Variants in SLC38A1 observed in about 807,000 individuals in gnomAD.
The protein encoded by SLC38A1 is solute carrier family 38 member 1.
In SLC38A1, 18 loss-of-function variants were observed where a neutral mutation model predicts 60.3. The ratio of observed to expected loss-of-function variants is 0.30; its 90% confidence interval spans 0.21 to 0.44. The LOEUF (loss-of-function observed/expected upper bound fraction) is 0.44. Among genes scored for constraint, SLC38A1 ranks in the 20% least tolerant of loss-of-function variants. The probability of loss-of-function intolerance (pLI) is 1.00; values close to 1 mark genes in which losing one functional copy is unlikely to be tolerated. For synonymous variants in SLC38A1, 196 were observed against 212.1 expected, an observed-to-expected ratio of 0.92 and a Z score of 0.66; for missense variants, 448 against 587.2, an observed-to-expected ratio of 0.76 and a Z score of 2.45.
chr12:46,198,287 T>C (rs1939481392), intron 14 of SLC38A1, among the ~76,000 whole-genome samples: 1 of 152,234 alleles, frequency 6.6e-6, no homozygotes, highest in African/African-American at 2.4e-5. Flanking sequence ...GGGTGTAATT[T>C]CTGTCTTTGG....
chr12:46,223,317 G>A (rs543209383), intron 5 of SLC38A1, among the ~76,000 whole-genome samples: 6 of 152,130 alleles, frequency 3.9e-5, no homozygotes, highest in Admixed American at 3.3e-4. Context: ...AGCATATATA[G>A]ATACTGTTCA....
chr12:46,200,445 A>G (rs1939605430), intron 13 of SLC38A1, among the ~76,000 whole-genome samples: 1 of 151,938 alleles, frequency 6.6e-6, no homozygotes, highest in Non-Finnish European at 1.5e-5. Flanking sequence ...ATATATATTT[A>G]AATTAGGTCC....
At chr12:46,228,113 A>G (rs538234831) in intron 5 of SLC38A1, among the ~76,000 whole-genome samples, 4 of 152,310 alleles carry the variant, frequency 2.6e-5, no homozygotes, top group African/African-American at 9.6e-5. Flanking sequence ...TTAGGCTGAC[A>G]ATATGGAAGA....
chr12:46,265,625 CTGTATT>C, intron 1 of SLC38A1, among the ~76,000 whole-genome samples: 1 of 152,314 alleles, frequency 6.6e-6, no homozygotes, highest in Non-Finnish European at 1.5e-5. Flanking sequence ...GGAATTTAGA[CTGTATT>C]TGTGTGCAAT....
intron 1 of SLC38A1, among the ~76,000 whole-genome samples, chr12:46,246,790 C>T (rs1941635583): frequency 6.6e-6 from 1 of 152,152 alleles, no homozygotes; most frequent in African/African-American, 2.4e-5. Context: ...GCAGGAGCCC[C>T]TCTTGGACAA....
Position 46,232,108 on chromosome 12 carries a change from C to A in SLC38A1, c.123-2469G>T, listed in dbSNP as rs556034148. Among the ~76,000 whole-genome samples, 4 of 152,302 alleles carry A rather than the reference C, an allele frequency of 2.6e-5. No individual in the cohort carries two copies. The South Asian group carries it at 8.3e-4, about 32-fold the overall frequency. On this transcript the variant is annotated intron_variant, in intron 3 of 16. Coordinates refer to ENST00000398637, the MANE Select transcript of SLC38A1 (RefSeq NM_030674.4). ...CCAAAGTTAGGCAATACACTTACTA[C>A]AAACTTACTCTGGGATCATCAGTTG...
intron 3 of SLC38A1, among the ~76,000 whole-genome samples, chr12:46,234,864 C>A (rs1320917568): frequency 2.6e-5 from 4 of 152,126 alleles, no homozygotes; most frequent in African/African-American, 9.7e-5. Context: ...TTAAAAAACA[C>A]GACCTCTGGC....
intron 1 of SLC38A1, among the ~76,000 whole-genome samples, chr12:46,262,612 G>A (rs893951946): frequency 6.6e-6 from 1 of 152,150 alleles, no homozygotes; most frequent in African/African-American, 2.4e-5. Context: ...ATCAAGGATT[G>A]CTATTGTACT....
chr12:46,190,366 C>T (rs539360193), intron 16 of SLC38A1, among the ~76,000 whole-genome samples: 307 of 152,234 alleles, frequency 2.0e-3, no homozygotes, highest in Admixed American at 5.4e-3. Flanking sequence ...TCCAAGTCTT[C>T]ACTATTGTGA....
At chr12:46,189,204 C>T (rs1227877781) in intron 16 of SLC38A1, 133 bp from the exon 17 acceptor site, 1 of 614,340 alleles carries the variant, frequency 1.6e-6, no homozygotes, top group Admixed American at 2.9e-5. Context: ...ACAACCATGG[C>T]TGAACTGTGA....
chr12:46,255,098 C>G (rs1462270244), intron 1 of SLC38A1, among the ~76,000 whole-genome samples: 1 of 152,182 alleles, frequency 6.6e-6, no homozygotes, highest in Non-Finnish European at 1.5e-5. Flanking sequence ...ATTCTAATGT[C>G]ACAATTTCCA....
intron 5 of SLC38A1, among the ~76,000 whole-genome samples, chr12:46,220,452 C>T (rs979958935): frequency 2.0e-5 from 3 of 152,086 alleles, no homozygotes; most frequent in Admixed American, 6.5e-5. Flanking sequence ...GTGACTAGTC[C>T]GATGGACCTC....
intron 5 of SLC38A1, among the ~76,000 whole-genome samples, chr12:46,213,562 C>A (rs1940273336): frequency 6.6e-6 from 1 of 152,224 alleles, no homozygotes; most frequent in African/African-American, 2.4e-5. Flanking sequence ...GCCTGGAAGT[C>A]GACCTTATCT....
chr12:46,191,305 G>A (rs1447450257), intron 16 of SLC38A1, among the ~76,000 whole-genome samples: 1 of 152,082 alleles, frequency 6.6e-6, no homozygotes. Context: ...ATCTGTTTTG[G>A]TACCAGTACC....
Position 46,188,885 on chromosome 12 carries a change from C to T in SLC38A1, c.*85G>A, listed in dbSNP as rs1024084223. 9 of 1,150,322 alleles carry T rather than the reference C, an allele frequency of 7.8e-6. No individual in the cohort carries two copies. The highest frequency in any genetic ancestry group is 2.0e-4 in the Middle Eastern group (1 of 5,022). The allele number at this position is 1,150,322 out of a possible 1,614,324, so 71.3% of individuals were successfully genotyped here. ...GTACATTTCTGTTTGCTTCTGTAAA[C>T]TTGCAAAAGAAGTGGTGAGAGATTG... On this transcript the variant is annotated 3_prime_UTR_variant, in exon 17 of 17. Transcript: ENST00000398637.
At chr12:46,262,361 G>A (rs1482657095) in intron 1 of SLC38A1, among the ~76,000 whole-genome samples, 2 of 151,658 alleles carry the variant, frequency 1.3e-5, no homozygotes, top group Non-Finnish European at 2.9e-5. Context: ...TAGGAGGACA[G>A]ACTGTATATT....
intron 1 of SLC38A1, among the ~76,000 whole-genome samples, chr12:46,252,301 C>T (rs969338789): frequency 1.3e-5 from 2 of 152,064 alleles, no homozygotes; most frequent in African/African-American, 2.4e-5. Flanking sequence ...AACAGTTGGA[C>T]ACAGGGAGGG....
At chr12:46,261,124 C>G (rs1942183472) in intron 1 of SLC38A1, among the ~76,000 whole-genome samples, 1 of 152,208 alleles carries the variant, frequency 6.6e-6, no homozygotes, top group South Asian at 2.1e-4. Flanking sequence ...TCCACCTTCC[C>G]ATGAAGCCTA....
At chr12:46,198,859 G>T in intron 13 of SLC38A1, 116 bp from the exon 14 acceptor site, 2 of 676,568 alleles carry the variant, frequency 3.0e-6, no homozygotes, top group Non-Finnish European at 5.2e-6. Flanking sequence ...GCAATGTTTC[G>T]AAATGTCTAT....
Sources: gnomAD v4.1 joint callset for allele counts (sites outside exome capture counted in the v4.1 genomes callset) on GRCh38, gnomAD v4.1.1 for gene constraint, MANE v1.5 for transcripts, NCBI Gene and HGNC (gene_info 2026-07-23, HGNC 2026-07-21) for gene names.